ABHD2: variants seen among roughly 807,000 people sequenced by gnomAD.
ABHD2 encodes abhydrolase domain containing 2, acylglycerol lipase, also known as monoacylglycerol lipase ABHD2.
ABHD2 carries 20 observed loss-of-function variants against 48.1 expected under a neutral mutation model. The ratio of observed to expected loss-of-function variants is 0.42; its 90% confidence interval spans 0.29 to 0.60. The LOEUF (loss-of-function observed/expected upper bound fraction) is 0.60, where lower values mean the gene tolerates loss of function less well. Ranked by LOEUF, ABHD2 falls within the 20% of genes least tolerant of loss-of-function variation. The pLI, the probability that ABHD2 is intolerant of heterozygous loss-of-function variation, is 0.24. For missense variants in ABHD2, 405 were observed against 550.9 expected (o/e 0.74, Z 2.65); for synonymous variants, 209 against 214.2 (o/e 0.98, Z 0.21).
At position 89,116,617 on chromosome 15, in the gene ABHD2, G is replaced by C. The variant is rs1055607372; in HGVS notation, c.194+96G>C. 1 of 1,322,040 alleles carries C rather than the reference G, an allele frequency of 7.6e-7. No individual in the cohort carries two copies. The highest frequency in any genetic ancestry group is 1.5e-5 in the African/African-American group (1 of 67,838). The allele number at this position is 1,322,040 out of a possible 1,614,324, so 81.9% of individuals were successfully genotyped here. ...AAACTTCTCTCATCGTGTCCTTAAGGCATCAATGGGATATGACGTCACTGG... is the reference window on the plus strand; with the variant it reads ...AAACTTCTCTCATCGTGTCCTTAAGCCATCAATGGGATATGACGTCACTGG... On this transcript the variant is annotated intron_variant, in intron 3 of 10. Coordinates refer to ENST00000352732, the MANE Select transcript of ABHD2 (RefSeq NM_152924.5). The surrounding 1 kb of genome is among the most constrained non-coding windows in gnomAD (Gnocchi z 4.6).
chr15:89,064,153 T>C, the ABHD2 span, among the ~76,000 whole-genome samples: 3 of 152,072 alleles, frequency 2.0e-5, no homozygotes, highest in African/African-American at 7.2e-5. Context: ...CCTTTAAGCT[T>C]CATCCATGTT....
At chr15:89,064,489 A>G in the ABHD2 span, among the ~76,000 whole-genome samples, 1 of 151,988 alleles carries the variant, frequency 6.6e-6, no homozygotes, top group Non-Finnish European at 1.5e-5. Flanking sequence ...CGGCCTCCCA[A>G]AGTGCTGGGA....
chr15:89,065,983 C>T, the ABHD2 span, among the ~76,000 whole-genome samples: 1 of 152,126 alleles, frequency 6.6e-6, no homozygotes, highest in Admixed American at 6.5e-5. Context: ...CATAAGGAAA[C>T]TCGGGTTCAA....
At chr15:89,057,426 C>T in the ABHD2 span, among the ~76,000 whole-genome samples, 687 of 152,294 alleles carry the variant, frequency 4.5e-3, 4 homozygotes, top group African/African-American at 0.016. Context: ...AGGGGTTACA[C>T]AGTGACCACT....
In ABHD2 at chr15:89,176,057, A is replaced by T; in HGVS notation, c.722+62A>T. On this transcript the variant is annotated intron_variant, in intron 6 of 10. Coordinates refer to ENST00000352732, the MANE Select transcript of ABHD2 (RefSeq NM_152924.5). The surrounding 1 kb of genome is among the most constrained non-coding windows in gnomAD (Gnocchi z 4.5). ...AGCCCTTATTTATAGAGATGCCCCG[A>T]CGCACAACACACTGTTCTGTGAAGA... is the stretch of plus-strand genomic sequence containing the variant. 1 of 1,476,876 alleles carries T rather than the reference A, an allele frequency of 6.8e-7. No homozygotes were observed. Among genetic ancestry groups the T allele is most frequent in the Non-Finnish European group, 9.2e-7 (1 of 1,091,796 alleles). The allele number at this position is 1,476,876 out of a possible 1,614,324, so 91.5% of individuals were successfully genotyped here.
At chr15:89,062,477 C>T in the ABHD2 span, among the ~76,000 whole-genome samples, 58 of 152,064 alleles carry the variant, frequency 3.8e-4, 2 homozygotes, top group Non-Finnish European at 7.1e-4. Context: ...CTTGATCTCC[C>T]GGGCTCAAGA....
chr15:89,178,466 G>C (rs1306076431), intron 6 of ABHD2, among the ~76,000 whole-genome samples: 1 of 152,224 alleles, frequency 6.6e-6, no homozygotes, highest in Non-Finnish European at 1.5e-5. Flanking sequence ...CCACACGAGA[G>C]TTCATGCGTC....
At chr15:89,076,400 T>C in the ABHD2 span, among the ~76,000 whole-genome samples, 32 of 152,334 alleles carry the variant, frequency 2.1e-4, no homozygotes, top group African/African-American at 7.7e-4. Flanking sequence ...AGAAGGACTT[T>C]TTATAAAACA....
rs568115393 is a variant in ABHD2, at chr15:89,196,064, C to T, written c.*641C>T. ...GTTAAAAATTCAGCCTCCCAGGTCC[C>T]TCCCCTCGGAGAGGCTGATTCACTG... On this transcript the variant is annotated 3_prime_UTR_variant, in exon 11 of 11. Transcript: ENST00000352732. 5.9e-5 allele frequency: 9 copies of T among 152,752 alleles called. No homozygotes were observed. Among genetic ancestry groups the T allele is most frequent in the South Asian group, 2.1e-4 (1 of 4,830 alleles). 9.5% of individuals were successfully genotyped at this position (152,752 alleles called of 1,614,324 possible). A position where few individuals can be genotyped will look rare whatever the true frequency, so the allele number is the denominator to read the frequency against.
chr15:89,127,086 C>T (rs2050140862), intron 3 of ABHD2, among the ~76,000 whole-genome samples: 1 of 152,262 alleles, frequency 6.6e-6, no homozygotes, highest in South Asian at 2.1e-4. Context: ...GAGAAGTGCC[C>T]TCTACCAAGT....
Position 89,127,720 on chromosome 15 carries a change from C to CATAT in ABHD2, c.194+11200_194+11201insTATA, listed in dbSNP as rs1567080056. The stretch of plus-strand genomic sequence containing the variant: ...ATATATATATACATATATATATATA[C>CATAT]ACATATATATATATATATATGTATA... On this transcript the variant is annotated intron_variant, in intron 3 of 10. Coordinates refer to ENST00000352732, the MANE Select transcript of ABHD2 (RefSeq NM_152924.5). Among the ~76,000 whole-genome samples, 72 of 69,760 alleles carry CATAT rather than the reference C, an allele frequency of 1.0e-3. 1 individual carries two copies. Among genetic ancestry groups the CATAT allele is most frequent in the Non-Finnish European group, 1.9e-3 (58 of 30,598 alleles). The allele number at this position is 69,760 out of a possible 152,430, so 45.8% of individuals were successfully genotyped here. A position where few individuals can be genotyped will look rare whatever the true frequency, so the allele number is the denominator to read the frequency against.
chr15:89,115,909 C>T (rs912766643), intron 2 of ABHD2, among the ~76,000 whole-genome samples: 8 of 152,128 alleles, frequency 5.3e-5, no homozygotes, highest in East Asian at 3.9e-4. Context: ...GTTAAGCCTA[C>T]AGAGAGGAAA....
chr15:89,098,869 A>G (rs1161853590), intron 1 of ABHD2, among the ~76,000 whole-genome samples: 3 of 152,200 alleles, frequency 2.0e-5, no homozygotes, highest in Non-Finnish European at 4.4e-5. Flanking sequence ...TTATAAGAGG[A>G]ATGCAGATTT....
chr15:89,155,410 C>T lies in ABHD2; in HGVS notation c.414C>T (p.Ser138=), dbSNP rs776255263. Residue 138 remains serine, a synonymous_variant, in exon 5 of 11, where the codon AGC becomes AGT. Coordinates refer to ENST00000352732, the MANE Select transcript of ABHD2 (RefSeq NM_152924.5). The surrounding 1 kb of genome is among the most constrained non-coding windows in gnomAD (Gnocchi z 4.9). ...TCTGCCCTGGAATTGCCAATCACAG[C>T]GAGAAGCAATACATCCGCACTTTCG... ...MVICPGIANH[S]EKQYIRTFVD... is the part of the protein sequence containing the mutation. The T allele has an allele frequency of 1.5e-5, 24 of 1,614,138 alleles. No homozygotes were observed. Among genetic ancestry groups the T allele is most frequent in the Middle Eastern group, 1.6e-4 (1 of 6,062 alleles).
At chr15:89,052,070 T>C in the ABHD2 span, among the ~76,000 whole-genome samples, 1 of 152,160 alleles carries the variant, frequency 6.6e-6, no homozygotes, top group East Asian at 1.9e-4. Flanking sequence ...AACAATACCA[T>C]ACATGGAGGC....
chr15:89,200,430 GCGGCTC>G lies in ABHD2; in HGVS notation c.*5009_*5014del. On this transcript the variant is annotated 3_prime_UTR_variant, in exon 11 of 11. Coordinates refer to ENST00000352732, the MANE Select transcript of ABHD2 (RefSeq NM_152924.5). Reference sequence around the variant, plus strand: ...AAGCGCTCCTCACTTCCCAGATGGGGCGGCTCCCGGGAAGCGGGGCTCCTCACTTCC... The same window carrying G: ...AAGCGCTCCTCACTTCCCAGATGGGGCCGGGAAGCGGGGCTCCTCACTTCC... 2 of 150,754 alleles carry G rather than the reference GCGGCTC, an allele frequency of 1.3e-5. No homozygotes were observed. The highest frequency in any genetic ancestry group is 5.0e-5 in the African/African-American group (2 of 39,702). 9.3% of individuals were successfully genotyped at this position (150,754 alleles called of 1,614,324 possible). A position where few individuals can be genotyped will look rare whatever the true frequency, so the allele number is the denominator to read the frequency against.
At chr15:89,064,868 TC>T in the ABHD2 span, among the ~76,000 whole-genome samples, 1 of 152,108 alleles carries the variant, frequency 6.6e-6, no homozygotes, top group African/African-American at 2.4e-5. Flanking sequence ...ACAGTCTGTA[TC>T]CTACTCCCAG....
upstream of ABHD2, among the ~76,000 whole-genome samples, chr15:89,083,653 C>T (rs910041164): frequency 2.0e-5 from 3 of 152,136 alleles, no homozygotes; most frequent in African/African-American, 4.8e-5. This position sits in a 1 kb window ranked among gnomAD's most constrained non-coding sequence, Gnocchi z 5.1. Flanking sequence ...GGACAACATA[C>T]ATAAGCCAGG....
In ABHD2 at chr15:89,116,647, A is replaced by G; in HGVS notation, c.194+126A>G. On this transcript the variant is annotated intron_variant, in intron 3 of 10. Transcript: ENST00000352732. This position sits in a 1 kb window ranked among gnomAD's most constrained non-coding sequence, Gnocchi z 4.6. ...AATGGGATATGACGTCACTGGTGTT[A>G]AAATAGCCACAGTCTGATTGCAGTC... 2 of 1,001,522 alleles carry G rather than the reference A, an allele frequency of 2.0e-6. No individual in the cohort carries two copies. Among genetic ancestry groups the G allele is most frequent in the South Asian group, 3.3e-5 (2 of 59,826 alleles). The allele number at this position is 1,001,522 out of a possible 1,614,324, so 62.0% of individuals were successfully genotyped here.
Sources: gnomAD v4.1 joint callset for allele counts (sites outside exome capture counted in the v4.1 genomes callset) on GRCh38, gnomAD v4.1.1 for gene constraint, Gnocchi (gnomAD v3.1) non-coding constraint, MANE v1.5 for transcripts, NCBI Gene and HGNC (gene_info 2026-07-23, HGNC 2026-07-21) for gene names.